The following ERP27 variants were observed in gnomAD, a reference collection of about 807,000 sequenced individuals.
ERP27 encodes endoplasmic reticulum protein 27.
ERP27 carries 23 observed loss-of-function variants against 27.7 expected under a neutral mutation model. The ratio of observed to expected loss-of-function variants is 0.83; its 90% CI spans 0.60 to 1.18. ERP27 has a LOEUF of 1.18. ERP27 is among the 50% of genes most tolerant of loss of function. ERP27 has a pLI of 0.00. For missense variants in ERP27, 363 were observed against 327.9 expected, an observed-to-expected ratio of 1.11 and a Z score of -0.83; for synonymous variants, 159 against 118.3, an observed-to-expected ratio of 1.34 and a Z score of -2.23.
At chr12:14,925,729 G>T (rs1323676031) in intron 3 of ERP27, among the ~76,000 whole-genome samples, 1 of 152,026 alleles carries the variant, frequency 6.6e-6, no homozygotes, top group African/African-American at 2.4e-5. Flanking sequence ...TTTTATAGTT[G>T]AAATTTTCTA....
At chr12:14,927,325 G>A (rs1037170680) in intron 3 of ERP27, among the ~76,000 whole-genome samples, 4 of 151,748 alleles carry the variant, frequency 2.6e-5, no homozygotes, top group Non-Finnish European at 4.4e-5. Context: ...GTGTGTGTGC[G>A]TGTGTGCATG....
At chr12:14,928,164 G>A (rs1215841285) in intron 3 of ERP27, among the ~76,000 whole-genome samples, 1 of 152,136 alleles carries the variant, frequency 6.6e-6, no homozygotes, top group Non-Finnish European at 1.5e-5. Flanking sequence ...TGTGCTATCT[G>A]TATAGGTCCT....
chr12:14,929,583 A>T (rs1028385075), intron 3 of ERP27, among the ~76,000 whole-genome samples: 2 of 152,312 alleles, frequency 1.3e-5, no homozygotes, highest in Admixed American at 1.3e-4. Flanking sequence ...TCATATTTTT[A>T]TTTCAGAGAA....
chr12:14,927,481 T>G (rs1324860395), intron 3 of ERP27, among the ~76,000 whole-genome samples: 2 of 125,202 alleles, frequency 1.6e-5, no homozygotes, highest in Non-Finnish European at 3.5e-5. Flanking sequence ...TCTGTAGGAT[T>G]CAAAGGGGAT....
At chr12:14,928,609 C>G (rs1237547778) in intron 3 of ERP27, among the ~76,000 whole-genome samples, 1 of 151,972 alleles carries the variant, frequency 6.6e-6, no homozygotes, top group Non-Finnish European at 1.5e-5. Flanking sequence ...CTGCTTTATA[C>G]AATTTAAATT....
chr12:14,920,539 T>C (rs1304099405), intron 4 of ERP27, among the ~76,000 whole-genome samples: 1 of 152,182 alleles, frequency 6.6e-6, no homozygotes, highest in Non-Finnish European at 1.5e-5. Flanking sequence ...CCTGGCTAAT[T>C]TTAAAAGTTT....
chr12:14,915,696 G>A lies in ERP27; in HGVS notation c.577-10C>T, dbSNP rs758158424. On this transcript the variant is annotated splice_polypyrimidine_tract_variant and intron_variant, in intron 5 of 6. Coordinates refer to ENST00000266397, the MANE Select transcript of ERP27 (RefSeq NM_152321.4). ...CCAGAATAAAGAGAATCTGCAGTTG[G>A]GGAAGTTTGAAAGAAAAAGTTCTAT... The A allele has an allele frequency of 1.6e-5, 25 of 1,609,728 alleles. No individual in the cohort carries two copies. In the South Asian group the frequency reaches 2.3e-4, roughly 15 times the overall value.
chr12:14,927,378 A>G (rs1175321302), intron 3 of ERP27, among the ~76,000 whole-genome samples: 1 of 151,696 alleles, frequency 6.6e-6, no homozygotes, highest in African/African-American at 2.4e-5. Context: ...AAATCACTCT[A>G]ATTCAATTTC....
rs769409132 is a variant in ERP27, at chr12:14,917,276, T to C, written c.478A>G (p.Ile160Val). The change falls in exon 5 of 7, where the codon ATT becomes GTT. Residue 160 changes from isoleucine (I) to valine (V), a missense_variant. Coordinates refer to ENST00000266397, the MANE Select transcript of ERP27 (RefSeq NM_152321.4). ...ATTATCAGGAGGAGATGAATCTGAA[T>C]TACGCTGTTGAATAACCCAATCACA... Reference protein sequence around the residue: ...VTVIGLFNSVIQIHLLLIMNK... With the variant: ...VTVIGLFNSVVQIHLLLIMNK... 22 of 1,614,038 alleles carry C rather than the reference T, an allele frequency of 1.4e-5. No individual in the cohort carries two copies. The highest frequency in any genetic ancestry group is 1.9e-5 in the Non-Finnish European group (22 of 1,180,018).
At chr12:14,920,894 A>C (rs766741706) in intron 4 of ERP27, 38 bp downstream of exon 4, 1 of 1,532,032 alleles carries the variant, frequency 6.5e-7, no homozygotes, top group Non-Finnish European at 9.0e-7. Flanking sequence ...TCCCCGACTC[A>C]GGGTCTGAAG....
At chr12:14,930,241 A>C (rs1445588317) in intron 3 of ERP27, among the ~76,000 whole-genome samples, 2 of 152,208 alleles carry the variant, frequency 1.3e-5, no homozygotes, top group Non-Finnish European at 2.9e-5. Context: ...ATCTTCTTGC[A>C]TTTCTTATCA....
intron 3 of ERP27, chr12:14,928,841 T>A: frequency 8.5e-7 from 1 of 1,177,578 alleles, no homozygotes; most frequent in Non-Finnish European, 1.2e-6. Flanking sequence ...ACCACCTCCT[T>A]CCCCTTCCCT....
chr12:14,935,823 A>G (rs143182757), intron 2 of ERP27, among the ~76,000 whole-genome samples: 50 of 152,266 alleles, frequency 3.3e-4, no homozygotes, highest in African/African-American at 1.2e-3. Flanking sequence ...TGCCTCACGG[A>G]TACTTGTGCC....
intron 3 of ERP27, among the ~76,000 whole-genome samples, chr12:14,921,930 A>G (rs1019208816): frequency 8.5e-5 from 13 of 152,116 alleles, no homozygotes; most frequent in African/African-American, 2.9e-4. Context: ...ATGTAAACAA[A>G]CTTCTTTGGC....
chr12:14,924,464 C>T (rs1178991175), intron 3 of ERP27, among the ~76,000 whole-genome samples: 1 of 152,118 alleles, frequency 6.6e-6, no homozygotes, highest in Non-Finnish European at 1.5e-5. Flanking sequence ...TACTGTTTTC[C>T]ATAATGGCTA....
chr12:14,918,742 C>T (rs765312079), intron 4 of ERP27, among the ~76,000 whole-genome samples: 4 of 152,186 alleles, frequency 2.6e-5, no homozygotes, highest in Non-Finnish European at 4.4e-5. Context: ...GCTCTTTTGG[C>T]TGCCTACAAT....
chr12:14,934,781 T>C, intron 3 of ERP27, 75 bp downstream of exon 3: 1 of 1,567,016 alleles, frequency 6.4e-7, no homozygotes. Flanking sequence ...TAGAGTCCTT[T>C]CCAGTCTCAC....
intron 3 of ERP27, among the ~76,000 whole-genome samples, chr12:14,927,051 C>T (rs759356703): frequency 5.3e-5 from 8 of 152,034 alleles, no homozygotes; most frequent in Admixed American, 3.3e-4. Context: ...AGAATTCTAA[C>T]GTTGGCAGTG....
chr12:14,934,364 C>T lies in ERP27; in HGVS notation c.333+492G>A, dbSNP rs984767331. ...ATACTTGCATATTATATATACAATA[C>T]CTACCATACTTAAAGATCTATGAGA... On this transcript the variant is annotated intron_variant, in intron 3 of 6. Coordinates refer to ENST00000266397, the MANE Select transcript of ERP27 (RefSeq NM_152321.4). Among the ~76,000 whole-genome samples the T allele has an allele frequency of 2.6e-5, 4 of 151,968 alleles. No individual in the cohort carries two copies. In the East Asian group the frequency reaches 7.7e-4, roughly 29 times the overall value.
Sources: allele counts gnomAD v4.1 joint callset (sites outside exome capture counted in the v4.1 genomes callset), GRCh38; gene constraint gnomAD v4.1.1; transcripts MANE v1.5; gene names NCBI Gene and HGNC (gene_info 2026-07-23, HGNC 2026-07-21).